The following DNAH17 variants were observed in gnomAD, a reference collection of about 807,000 sequenced individuals.
DNAH17 encodes axonemal beta dynein heavy chain 17.
Under a neutral mutation model 485.6 loss-of-function variants are expected in DNAH17, and 376 were observed. That is an observed-to-expected ratio of 0.77 (90% CI 0.71 to 0.84). The LOEUF is 0.84. Ranked by LOEUF, DNAH17 falls within the 40% of genes least tolerant of loss-of-function variation. The pLI is 0.00. For missense variants in DNAH17, 6,370 were observed against 5,839.3 expected (o/e 1.09, Z -2.96); for synonymous variants, 3,031 against 2,405.9 (o/e 1.26, Z -7.60).
At chr17:78,483,417 G>A (rs535360592) in intron 48 of DNAH17, among the ~76,000 whole-genome samples, 9 of 152,274 alleles carry the variant, frequency 5.9e-5, no homozygotes, top group African/African-American at 2.2e-4. Context: ...ATCACCTGAG[G>A]TCAGGAGTTA....
rs2086787304 is a variant in DNAH17, at chr17:78,434,213, AG to A, written c.12040del (p.Leu4014TrpfsTer151). 6 of 1,606,152 alleles carry A rather than the reference AG, an allele frequency of 3.7e-6. No homozygotes were observed. Among genetic ancestry groups the A allele is most frequent in the Non-Finnish European group, 5.1e-6 (6 of 1,173,956 alleles). On this transcript the variant is annotated frameshift_variant, in exon 75 of 81. Coordinates refer to ENST00000389840, the MANE Select transcript of DNAH17 (RefSeq NM_173628.4). LOFTEE classifies it high-confidence loss of function. ...CTCCATCTCCTTGGTGCACATCTCC[AG>A]GGTGTCCTGTGGGGCACACGCTCCG... ...KALDLFTQDT[L>X]EMCTKEMEFK...
rs200575201 is a variant in DNAH17, at chr17:78,450,087, G to A, written c.11040+167C>T. ...GGAGAATGGGTGTAGGACTGATGGG[G>A]GCCCCTGGCTCCCCCTCTTCCAGCT... On this transcript the variant is annotated intron_variant, in intron 68 of 80. Transcript: ENST00000389840. The A allele has an allele frequency of 8.2e-3, 6,389 of 778,208 alleles. 73 individuals carry two copies. The highest frequency in any genetic ancestry group is 0.017 in the Middle Eastern group (71 of 4,202). 48.2% of individuals were successfully genotyped at this position (778,208 alleles called of 1,614,324 possible).
chr17:78,430,331 C>T (rs954173837), intron 75 of DNAH17, among the ~76,000 whole-genome samples: 3 of 152,098 alleles, frequency 2.0e-5, no homozygotes, highest in African/African-American at 7.2e-5. Context: ...ATAATTGATT[C>T]TTTTTTGGTA....
chr17:78,537,264 G>T, intron 19 of DNAH17, 35 bp downstream of exon 19: 1 of 1,538,558 alleles, frequency 6.5e-7, no homozygotes, highest in South Asian at 1.2e-5. Flanking sequence ...AGCAATGGAT[G>T]ACCCTGTGTA....
At chr17:78,434,812 C>G (rs2086805019) in intron 74 of DNAH17, among the ~76,000 whole-genome samples, 7 of 152,196 alleles carry the variant, frequency 4.6e-5, no homozygotes, top group Admixed American at 4.6e-4. Context: ...GACTCCTGAA[C>G]ACACAGAGGC....
At chr17:78,534,532 C>G (rs1443261024) in intron 19 of DNAH17, among the ~76,000 whole-genome samples, 1 of 152,190 alleles carries the variant, frequency 6.6e-6, no homozygotes, top group Admixed American at 6.5e-5. Context: ...ACATTTGGCT[C>G]CCACCCCTCC....
At chr17:78,457,730 G>A (rs1193733704) in intron 62 of DNAH17, among the ~76,000 whole-genome samples, 1 of 148,966 alleles carries the variant, frequency 6.7e-6, no homozygotes, top group African/African-American at 2.5e-5. Flanking sequence ...GCGCGATCTC[G>A]GCTCACTGCA....
intron 11 of DNAH17, among the ~76,000 whole-genome samples, chr17:78,565,991 C>A (rs1284278989): frequency 6.6e-6 from 1 of 151,808 alleles, no homozygotes; most frequent in African/African-American, 2.4e-5. Flanking sequence ...AAACAAAAAA[C>A]AAACAAACCC....
chr17:78,462,985 G>C lies in DNAH17; in HGVS notation c.9033C>G (p.Arg3011=). 1.2e-6 allele frequency: 2 copies of C among 1,613,994 alleles called. No homozygotes were observed. The highest frequency in any genetic ancestry group is 1.7e-6 in the Non-Finnish European group (2 of 1,179,884). Residue 3011 remains arginine, a synonymous_variant, in exon 57 of 81, where the codon CGC becomes CGG. Coordinates refer to ENST00000389840, the MANE Select transcript of DNAH17 (RefSeq NM_173628.4). ...AGGTTTTGGGTGTGGTGTAGTTGTAGCGCCTCTCAGTAGCCAGGTATACCC... is the reference window on the plus strand; with the variant it reads ...AGGTTTTGGGTGTGGTGTAGTTGTACCGCCTCTCAGTAGCCAGGTATACCC... ...MSRVYLATER[R]YNYTTPKTFL... is the part of the protein sequence containing the mutation.
chr17:78,501,027 G>A, intron 35 of DNAH17, 157 bp downstream of exon 35: 1 of 822,300 alleles, frequency 1.2e-6, no homozygotes, highest in Non-Finnish European at 1.8e-6. Flanking sequence ...CTAGAACAAG[G>A]ACACAGTGGT....
chr17:78,495,654 T>C lies in DNAH17; in HGVS notation c.5903+221A>G, dbSNP rs143969057. ...GGTTTCACCATCTTGACCGGGCTGG[T>C]CTTGAACTCCTGACCTCAGGTGATC... On this transcript the variant is annotated intron_variant, in intron 38 of 80. Transcript: ENST00000389840. Among the ~76,000 whole-genome samples the C allele has an allele frequency of 7.0e-4, 107 of 152,238 alleles. No individual in the cohort carries two copies. The East Asian group carries it at 0.02, about 28-fold the overall frequency.
chr17:78,532,349 T>A (rs1422727160), intron 20 of DNAH17, 133 bp downstream of exon 20: 3 of 1,270,762 alleles, frequency 2.4e-6, no homozygotes, highest in Non-Finnish European at 3.2e-6. Flanking sequence ...GGTGGTCACC[T>A]CCTGATGTTT....
At chr17:78,540,736 T>G (rs112124582) in intron 17 of DNAH17, among the ~76,000 whole-genome samples, 1,077 of 1,326 alleles carry the variant, frequency 0.81, 430 homozygotes, top group African/African-American at 0.86. Context: ...TGTGAGTAGA[T>G]GGGTGAGTGG....
At position 78,494,756 on chromosome 17, in the gene DNAH17, C is replaced by A; in HGVS notation, c.6107G>T (p.Arg2036Met). Residue 2036 changes from arginine (R) to methionine (M), a missense_variant, in exon 40 of 81, where the codon AGG becomes ATG. Arg to Met is a moderately conservative substitution (Grantham distance 91). Transcript: ENST00000389840. ...SVLVVAGSLK[R>M]GDPSRAEDQV... is the part of the protein sequence containing the mutation. ...GTCCTCTGCCCGGCTGGGGTCGCCC[C>A]TCTTCAGGGAGCCGGCCACCACCAG... 6.2e-7 allele frequency: 1 copy of A among 1,613,622 alleles called. No homozygotes were observed.
intron 80 of DNAH17, 87 bp from the exon 81 acceptor site, chr17:78,424,240 C>G: frequency 2.7e-6 from 4 of 1,484,166 alleles, no homozygotes; most frequent in Admixed American, 4.2e-5. Context: ...TCACACTCCC[C>G]GCCCTCTGCA....
At position 78,539,594 on chromosome 17, in the gene DNAH17, C is replaced by G. The variant is rs191570802; in HGVS notation, c.2676+143G>C. 2.8e-3 allele frequency: 2,139 copies of G among 755,756 alleles called. 35 individuals are homozygous for G. The highest frequency in any genetic ancestry group is 0.012 in the Middle Eastern group (29 of 2,380). The allele number at this position is 755,756 out of a possible 1,614,324, so 46.8% of individuals were successfully genotyped here. ...GAATGCAGGACTTCCAGGTTTAAAA[C>G]CAGGTCAAGTAGATTGCATAAGATA... On this transcript the variant is annotated intron_variant, in intron 18 of 80. Coordinates refer to ENST00000389840, the MANE Select transcript of DNAH17 (RefSeq NM_173628.4).
chr17:78,559,430 C>T (rs1449941428), intron 13 of DNAH17, among the ~76,000 whole-genome samples: 3 of 152,200 alleles, frequency 2.0e-5, no homozygotes, highest in Non-Finnish European at 4.4e-5. Context: ...GGACTGACTC[C>T]CCTCTTCCAA....
At chr17:78,524,671 A>G (rs1303069381) in intron 25 of DNAH17, among the ~76,000 whole-genome samples, 1 of 152,126 alleles carries the variant, frequency 6.6e-6, no homozygotes, top group African/African-American at 2.4e-5. Flanking sequence ...CCTTGAACAG[A>G]CTAAGTGGTA....
chr17:78,492,199 AACGTCCGG>A (rs2089891356), intron 42 of DNAH17, among the ~76,000 whole-genome samples: 1 of 152,032 alleles, frequency 6.6e-6, no homozygotes, highest in African/African-American at 2.4e-5. Context: ...CCCACTCTCC[AACGTCCGG>A]AGTTCCTTTC....
Sources: allele counts gnomAD v4.1 joint callset (sites outside exome capture counted in the v4.1 genomes callset), GRCh38; gene constraint gnomAD v4.1.1; transcripts MANE v1.5; gene names NCBI Gene and HGNC (gene_info 2026-07-23, HGNC 2026-07-21).